ERG: variants seen among roughly 807,000 people sequenced by gnomAD.
The protein encoded by ERG is transcriptional regulator ERG.
A neutral mutation model predicts 55.3 loss-of-function variants in ERG; 9 were observed. The ratio of observed to expected loss-of-function variants is 0.16; its 90% CI spans 0.10 to 0.28. The LOEUF (loss-of-function observed/expected upper bound fraction) is 0.28. Among genes scored for constraint, ERG ranks in the 10% least tolerant of loss-of-function variants. The pLI, the probability that ERG is intolerant of heterozygous loss-of-function variation, is 1.00. For missense variants in ERG, 434 were observed against 631.6 expected, an observed-to-expected ratio of 0.69 and a Z score of 3.35; for synonymous variants, 223 against 237.3, an observed-to-expected ratio of 0.94 and a Z score of 0.55.
chr21:38,652,761 T>C (rs2060495678), intron 1 of ERG, among the ~76,000 whole-genome samples: 1 of 152,162 alleles, frequency 6.6e-6, no homozygotes, highest in South Asian at 2.1e-4. Flanking sequence ...CACGAGGCTG[T>C]CTCCCTGCTC....
chr21:38,477,241 C>T (rs903202896), intron 1 of ERG, among the ~76,000 whole-genome samples: 3 of 151,992 alleles, frequency 2.0e-5, no homozygotes, highest in Non-Finnish European at 2.9e-5. Flanking sequence ...CTCGCTCAAG[C>T]GATCCACCCA....
upstream of ERG, among the ~76,000 whole-genome samples, chr21:38,498,672 T>C (rs897400005): frequency 2.0e-5 from 3 of 151,968 alleles, no homozygotes; most frequent in Admixed American, 6.5e-5. This position sits in a 1 kb window ranked among gnomAD's most constrained non-coding sequence, Gnocchi z 4.6. Flanking sequence ...AAGGCATCAA[T>C]TGGGATGGGG....
At chr21:38,423,702 T>C (rs1455078273) in intron 2 of ERG, 141 bp from the exon 3 acceptor site, 5 of 879,468 alleles carry the variant, frequency 5.7e-6, no homozygotes, top group Non-Finnish European at 5.1e-6. Flanking sequence ...AAAAGCCAAA[T>C]ACAGGCGGGG....
intron 1 of ERG, among the ~76,000 whole-genome samples, chr21:38,497,913 T>G (rs1019774421): frequency 6.6e-6 from 1 of 152,206 alleles, no homozygotes; most frequent in Non-Finnish European, 1.5e-5. Context: ...TCGCTTCCAC[T>G]GGGACTGCCT....
intron 1 of ERG, among the ~76,000 whole-genome samples, chr21:38,619,949 G>A (rs1026001144): frequency 6.6e-5 from 10 of 152,262 alleles, no homozygotes; most frequent in African/African-American, 2.4e-4. Context: ...GTCTTTGAAT[G>A]AATCTTGAAT....
rs538262748 is a variant in ERG at position 38,497,679 on chromosome 21, C to T, written c.18+684G>A. Among the ~76,000 whole-genome samples, 9 of 152,278 alleles carry T rather than the reference C, an allele frequency of 5.9e-5. No homozygotes were observed. In the East Asian group the frequency reaches 1.3e-3, roughly 23 times the overall value. On this transcript the variant is annotated intron_variant, in intron 1 of 9. Coordinates refer to ENST00000288319, the MANE Select transcript of ERG (RefSeq NM_182918.4). ...CCAAACACCCCACAGCACAGAGAAC[C>T]GACCGGCCATTGCTTTCCAATCTCC...
chr21:38,571,549 T>A (rs1435571254), intron 2 of ERG, among the ~76,000 whole-genome samples: 1 of 151,732 alleles, frequency 6.6e-6, no homozygotes, highest in Non-Finnish European at 1.5e-5. Context: ...ATAAAAAATT[T>A]TTAAAAAAGG....
chr21:38,424,190 C>T (rs1298811190), intron 2 of ERG, among the ~76,000 whole-genome samples: 1 of 95,916 alleles, frequency 1.0e-5, no homozygotes, highest in Non-Finnish European at 2.5e-5. Context: ...AGCTCGAGCT[C>T]TCTCTCTCTC....
At chr21:38,587,824 T>C (rs1175922866), upstream of ERG, among the ~76,000 whole-genome samples, 3 of 152,226 alleles carry the variant, frequency 2.0e-5, no homozygotes, top group African/African-American at 7.2e-5. Flanking sequence ...TCCTATACTA[T>C]GCTATTCTAT....
chr21:38,554,064 A>C (rs547612764), intron 2 of ERG, among the ~76,000 whole-genome samples: 5 of 152,316 alleles, frequency 3.3e-5, no homozygotes, highest in Middle Eastern at 3.4e-3. Context: ...ATGTGTGACC[A>C]ACAAGCATAT....
At chr21:38,592,805 AT>A (rs745598835) in intron 1 of ERG, among the ~76,000 whole-genome samples, 60 of 152,294 alleles carry the variant, frequency 3.9e-4, no homozygotes, top group Non-Finnish European at 6.8e-4. Flanking sequence ...TGTCTGAGCC[AT>A]GTATTGGCCA....
chr21:38,602,874 T>C (rs2060173024), intron 1 of ERG, among the ~76,000 whole-genome samples: 2 of 151,902 alleles, frequency 1.3e-5, no homozygotes, highest in African/African-American at 2.4e-5. Context: ...AAACGACGAT[T>C]CCAGTGGGAA....
chr21:38,457,403 T>C (rs553617435), intron 1 of ERG, among the ~76,000 whole-genome samples: 13 of 150,276 alleles, frequency 8.7e-5, no homozygotes, highest in Admixed American at 1.3e-4. Flanking sequence ...GCCACTGCAC[T>C]CTGGCCTGGG....
chr21:38,473,876 G>A (rs956709552), intron 1 of ERG, among the ~76,000 whole-genome samples: 1 of 151,898 alleles, frequency 6.6e-6, no homozygotes, highest in African/African-American at 2.4e-5. Flanking sequence ...GCATGTGTAT[G>A]TGTGAGCGTA....
intron 1 of ERG, chr21:38,473,892 G>A (rs1234999248): frequency 1.3e-5 from 2 of 151,812 alleles, no homozygotes; most frequent in Non-Finnish European, 2.9e-5. Flanking sequence ...GCGTATGTGT[G>A]TGTAAGTGTT....
intron 6 of ERG, among the ~76,000 whole-genome samples, chr21:38,399,248 C>A (rs868865812): frequency 2.0e-5 from 3 of 152,174 alleles, no homozygotes; most frequent in African/African-American, 7.2e-5. Flanking sequence ...TAAACTTTTT[C>A]TCTGACGTTA....
In ERG at chr21:38,381,067, G is replaced by A; in HGVS notation, c.*2336C>T. 9.4e-7 allele frequency: 1 copy of A among 1,064,806 alleles called. No homozygotes were observed. Among genetic ancestry groups the A allele is most frequent in the Non-Finnish European group, 1.1e-6 (1 of 878,922 alleles). The allele number at this position is 1,064,806 out of a possible 1,614,324, so 66.0% of individuals were successfully genotyped here. On this transcript the variant is annotated 3_prime_UTR_variant, in exon 10 of 10. Coordinates refer to ENST00000288319, the MANE Select transcript of ERG (RefSeq NM_182918.4). ...CCCAGGCTGCTGCAAAATGATGGAT[G>A]GTTGGGCTCCGTCTAATCCAAATGA... is the stretch of plus-strand genomic sequence containing the variant.
intron 1 of ERG, among the ~76,000 whole-genome samples, chr21:38,576,784 C>T (rs1335970422): frequency 6.6e-6 from 1 of 151,996 alleles, no homozygotes; most frequent in African/African-American, 2.4e-5. Context: ...TATCTCTTCC[C>T]CTCACCTTCC....
chr21:38,401,383 T>C (rs1988483415), intron 5 of ERG, among the ~76,000 whole-genome samples: 1 of 152,220 alleles, frequency 6.6e-6, no homozygotes, highest in African/African-American at 2.4e-5. Context: ...TTATCTGTTA[T>C]TTCTGGCCAC....
Sources: allele counts gnomAD v4.1 joint callset (sites outside exome capture counted in the v4.1 genomes callset), GRCh38; gene constraint gnomAD v4.1.1; non-coding constraint Gnocchi (gnomAD v3.1); transcripts MANE v1.5; gene names NCBI Gene and HGNC (gene_info 2026-07-23, HGNC 2026-07-21).